Variants in NHSL1 observed in about 807,000 individuals in gnomAD.
The protein encoded by NHSL1 is NHS like 1.
Under a neutral mutation model 95.0 loss-of-function variants are expected in NHSL1, and 48 were observed. The observed-to-expected ratio is 0.51, with a 90% CI of 0.40 to 0.64. NHSL1 has a LOEUF of 0.64. NHSL1 is among the 30% of genes least tolerant of loss of function. The pLI, the probability that NHSL1 is intolerant of heterozygous loss-of-function variation, is 0.00. For missense variants in NHSL1, 1,971 were observed against 2,077.7 expected, an observed-to-expected ratio of 0.95 and a Z score of 1.00; for synonymous variants, 783 against 833.9, an observed-to-expected ratio of 0.94 and a Z score of 1.05.
intron 1 of NHSL1, among the ~76,000 whole-genome samples, chr6:138,663,490 G>T (rs1376571514): frequency 2.0e-5 from 3 of 150,694 alleles, no homozygotes; most frequent in Non-Finnish European, 4.4e-5. Flanking sequence ...AACCCGGGGG[G>T]CAGACGTTGT....
At chr6:138,648,318 C>CATGGCT (rs1212384859) in intron 1 of NHSL1, among the ~76,000 whole-genome samples, 1 of 146,020 alleles carries the variant, frequency 6.8e-6, no homozygotes, top group Non-Finnish European at 1.5e-5. Flanking sequence ...AATGAATGAT[C>CATGGCT]ATGGCTATGT....
upstream of NHSL1, among the ~76,000 whole-genome samples, chr6:138,503,440 T>C (rs1780792967): frequency 1.3e-5 from 2 of 152,190 alleles, no homozygotes; most frequent in Non-Finnish European, 1.5e-5. Context: ...ATGATTTTTT[T>C]TAAAGTAAAA....
At chr6:138,621,964 C>T (rs1784670217) in intron 1 of NHSL1, among the ~76,000 whole-genome samples, 1 of 152,146 alleles carries the variant, frequency 6.6e-6, no homozygotes, top group Non-Finnish European at 1.5e-5. Flanking sequence ...TCAGCCTCTG[C>T]ACAATGAGAA....
chr6:138,558,878 C>A (rs72975245), intron 1 of NHSL1, among the ~76,000 whole-genome samples: 12,777 of 151,842 alleles, frequency 0.084, 513 homozygotes, highest in Middle Eastern at 0.14. Context: ...CCCTTCTCTA[C>A]AAAAAAACAA....
chr6:138,512,541 C>CAAA, intron 1 of NHSL1: 1 of 154,890 alleles, frequency 6.5e-6, no homozygotes, highest in Non-Finnish European at 1.4e-5. Context: ...CCCCCGACAC[C>CAAA]AAAAAAGAAA....
rs61747081 is a variant in NHSL1 at position 138,430,492 on chromosome 6, G to C, written c.3853C>G (p.Pro1285Ala). ...RVEANVPMVQ[P>A]DVSPAPKQEE... Reference sequence around the variant, plus strand: ...TGCTTGGGGGCTGGTGAGACATCAGGCTGAACCATGGGGACATTGGCTTCC... The same window carrying C: ...TGCTTGGGGGCTGGTGAGACATCAGCCTGAACCATGGGGACATTGGCTTCC... The change falls in exon 6 of 8, where the codon CCT becomes GCT. Residue 1285 changes from proline (P) to alanine (A), a missense_variant. Transcript: ENST00000343505. The surrounding 1 kb of genome is among the most constrained non-coding windows in gnomAD (Gnocchi z 4.7). 31,004 of 1,551,234 alleles carry C rather than the reference G, an allele frequency of 0.02. 365 individuals carry two copies. Among genetic ancestry groups the C allele is most frequent in the Non-Finnish European group, 0.023 (26,734 of 1,146,722 alleles).
rs895208895 is a variant in NHSL1, at chr6:138,430,306, C to T, written c.3952+87G>A. On this transcript the variant is annotated intron_variant, in intron 6 of 7. Coordinates refer to ENST00000343505, the MANE Select transcript of NHSL1 (RefSeq NM_001144060.2). The surrounding 1 kb of genome is among the most constrained non-coding windows in gnomAD (Gnocchi z 4.7). ...GGAATCTGATCTACCTGGGTTCTTT[C>T]CACGTGTGAGCATTCAACAACCCTA... The T allele has an allele frequency of 1.4e-6, 2 of 1,401,810 alleles. No individual in the cohort carries two copies. Among genetic ancestry groups the T allele is most frequent in the African/African-American group, 1.4e-5 (1 of 69,010 alleles). 86.8% of individuals were successfully genotyped at this position (1,401,810 alleles called of 1,614,324 possible).
chr6:138,501,510 T>C (rs1780680482), upstream of NHSL1, among the ~76,000 whole-genome samples: 1 of 152,140 alleles, frequency 6.6e-6, no homozygotes, highest in Non-Finnish European at 1.5e-5. Flanking sequence ...GAGCAAAACC[T>C]TGAAGGAGGC....
At chr6:138,650,619 G>C in intron 1 of NHSL1, 1 of 579,180 alleles carries the variant, frequency 1.7e-6, no homozygotes, top group Middle Eastern at 2.9e-4. Flanking sequence ...CTTCCCAATG[G>C]AGCTCAGCAC....
intron 3 of NHSL1, among the ~76,000 whole-genome samples, chr6:138,458,428 C>T (rs551820788): frequency 6.6e-6 from 1 of 152,264 alleles, no homozygotes; most frequent in South Asian, 2.1e-4. Context: ...CAAAACAGAA[C>T]AGCCTATAAT....
chr6:138,607,479 T>A (rs1258357716), intron 1 of NHSL1, among the ~76,000 whole-genome samples: 4 of 152,228 alleles, frequency 2.6e-5, no homozygotes, highest in Non-Finnish European at 5.9e-5. Flanking sequence ...AATTTTCAAT[T>A]TAGCACAACA....
At chr6:138,507,537 T>G (rs1219362196) in intron 1 of NHSL1, among the ~76,000 whole-genome samples, 1 of 152,174 alleles carries the variant, frequency 6.6e-6, no homozygotes, top group African/African-American at 2.4e-5. Context: ...GAATAGACAC[T>G]GGGTGTGATC....
At chr6:138,567,471 A>G (rs1199750623) in intron 1 of NHSL1, among the ~76,000 whole-genome samples, 2 of 152,152 alleles carry the variant, frequency 1.3e-5, no homozygotes, top group Non-Finnish European at 2.9e-5. Context: ...GGATTTTATT[A>G]TCAGAAATAG....
chr6:138,500,743 C>G (rs1425886132), upstream of NHSL1, among the ~76,000 whole-genome samples: 1 of 151,608 alleles, frequency 6.6e-6, no homozygotes, highest in South Asian at 2.1e-4. Context: ...CAAAAGAACA[C>G]ATAGGGGAAA....
chr6:138,647,327 G>A (rs764539140), intron 1 of NHSL1, among the ~76,000 whole-genome samples: 37 of 152,148 alleles, frequency 2.4e-4, no homozygotes, highest in Admixed American at 1.8e-3. Flanking sequence ...ATTTTAAATC[G>A]TGACAATTAT....
intron 3 of NHSL1, among the ~76,000 whole-genome samples, chr6:138,468,771 C>T (rs150520735): frequency 1.3e-5 from 2 of 152,294 alleles, no homozygotes; most frequent in East Asian, 3.9e-4. Context: ...TAAGTATACC[C>T]TATGATATTT....
At chr6:138,671,395 A>G (rs1463699964) in intron 1 of NHSL1, among the ~76,000 whole-genome samples, 1 of 151,418 alleles carries the variant, frequency 6.6e-6, no homozygotes, top group Non-Finnish European at 1.5e-5. Context: ...GATTGCAGTG[A>G]GCCAAGATCG....
intron 1 of NHSL1, among the ~76,000 whole-genome samples, chr6:138,611,946 C>T (rs1468571260): frequency 6.6e-6 from 1 of 151,156 alleles, no homozygotes; most frequent in Non-Finnish European, 1.5e-5. Context: ...TCCATCTCTA[C>T]TAAAAATACA....
upstream of NHSL1, among the ~76,000 whole-genome samples, chr6:138,573,661 G>A (rs1423703832): frequency 1.3e-5 from 2 of 152,116 alleles, no homozygotes; most frequent in African/African-American, 4.8e-5. Context: ...GTATTACTAA[G>A]GCAGAAGCTA....
Sources: allele counts gnomAD v4.1 joint callset (sites outside exome capture counted in the v4.1 genomes callset), GRCh38; gene constraint gnomAD v4.1.1; non-coding constraint Gnocchi (gnomAD v3.1); transcripts MANE v1.5; gene names NCBI Gene and HGNC (gene_info 2026-07-23, HGNC 2026-07-21).